MACROD1: variants seen among roughly 807,000 people sequenced by gnomAD.
MACROD1 encodes the protein ADP-ribose glycohydrolase MACROD1.
Under a neutral mutation model 41.4 loss-of-function variants are expected in MACROD1, and 31 were observed. The observed-to-expected ratio is 0.75, with a 90% CI of 0.56 to 1.01. The LOEUF is 1.01. Among genes scored for constraint, MACROD1 ranks in the 50% least tolerant of loss-of-function variants. The probability of loss-of-function intolerance (pLI) is 0.00; values close to 1 mark genes in which losing one functional copy is unlikely to be tolerated. For synonymous variants in MACROD1, 252 were observed against 203.4 expected (o/e 1.24, Z -2.03); for missense variants, 473 against 460.0 (o/e 1.03, Z -0.26).
At chr11:64,109,422 C>T (rs1237924159) in intron 3 of MACROD1, among the ~76,000 whole-genome samples, 3 of 152,166 alleles carry the variant, frequency 2.0e-5, no homozygotes, top group African/African-American at 7.2e-5. Context: ...GCCGGCCTCT[C>T]CCCACTCGTG....
chr11:64,152,440 C>G (rs776140903), intron 1 of MACROD1, 47 bp from the exon 2 acceptor site: 2 of 1,447,496 alleles, frequency 1.4e-6, no homozygotes, highest in Admixed American at 3.3e-5. Context: ...AGGAACGGGC[C>G]TGGGGCTTGC....
chr11:64,139,063 G>A (rs549457663), intron 3 of MACROD1, among the ~76,000 whole-genome samples: 119 of 152,278 alleles, frequency 7.8e-4, no homozygotes, highest in African/African-American at 2.5e-3. Flanking sequence ...CACCGCGCCC[G>A]GCCCACTGAT....
chr11:64,114,343 T>TGATGGATGGATGGTGGGCA (rs149015766), intron 3 of MACROD1, among the ~76,000 whole-genome samples: 1 of 136,252 alleles, frequency 7.3e-6, no homozygotes, highest in Non-Finnish European at 1.6e-5. Context: ...AGTAGATACA[T>TGATGGATGGATGGTGGGCA]GATGGATGGA....
chr11:64,153,314 C>A (rs562938251), intron 1 of MACROD1, among the ~76,000 whole-genome samples: 2 of 152,210 alleles, frequency 1.3e-5, no homozygotes, highest in African/African-American at 2.4e-5. Context: ...CACAGGCTCC[C>A]GGGATGGGGC....
chr11:64,134,627 C>G (rs1945308051), intron 3 of MACROD1, among the ~76,000 whole-genome samples: 1 of 152,122 alleles, frequency 6.6e-6, no homozygotes, highest in African/African-American at 2.4e-5. Flanking sequence ...GGGACAGCAC[C>G]TGAGGAAGCA....
At chr11:64,028,005 G>A (rs2134359027) in intron 3 of MACROD1, among the ~76,000 whole-genome samples, 1 of 152,360 alleles carries the variant, frequency 6.6e-6, no homozygotes, top group African/African-American at 2.4e-5. Context: ...TCAGACACCA[G>A]GAAGCACCGT....
Position 63,998,670 on chromosome 11 carries a change from G to C in MACROD1, c.*48C>G, listed in dbSNP as rs753854154. 6.0e-6 allele frequency: 8 copies of C among 1,334,178 alleles called. No homozygotes were observed. Among genetic ancestry groups the C allele is most frequent in the East Asian group, 2.9e-5 (1 of 34,384 alleles). The allele number at this position is 1,334,178 out of a possible 1,614,324, so 82.6% of individuals were successfully genotyped here. ...TTGGCGACCTCTCAGAGCTGGGAGC[G>C]GGGTCCCGAAGGCGGGTCTGAGGGC... is the stretch of plus-strand genomic sequence containing the variant. On this transcript the variant is annotated 3_prime_UTR_variant, in exon 11 of 11. Transcript: ENST00000255681.
intron 1 of MACROD1, among the ~76,000 whole-genome samples, chr11:64,158,195 C>T (rs899637112): frequency 1.3e-5 from 2 of 152,120 alleles, no homozygotes; most frequent in African/African-American, 4.8e-5. Flanking sequence ...GCGTAGCAGC[C>T]CCACCTTGAG....
At chr11:64,072,423 TA>T (rs11354064) in intron 3 of MACROD1, among the ~76,000 whole-genome samples, 18,538 of 146,058 alleles carry the variant, frequency 0.13, 1,463 homozygotes, top group Middle Eastern at 0.21. Context: ...CCGGCTCATT[TA>T]AAAAAAAAAA....
intron 3 of MACROD1, 21 bp downstream of exon 3, chr11:64,151,203 CGGCCACCAGGTCTCT>C (rs1945570985): frequency 1.9e-6 from 3 of 1,557,314 alleles, no homozygotes; most frequent in Non-Finnish European, 2.6e-6. Context: ...GGCAACAGGG[CGGCCACCAGGTCTCT>C]GGTTCAGGCC....
rs765217961 is a variant in MACROD1, at chr11:63,999,721, CTGGGCTCCCCGTAGGCGA to C, written c.689_706del (p.Ile230_Pro235del). The C allele has an allele frequency of 1.2e-6, 2 of 1,608,080 alleles. No homozygotes were observed. The highest frequency in any genetic ancestry group is 2.7e-5 in the African/African-American group (2 of 74,852). On this transcript the variant is annotated inframe_deletion, in exon 6 of 11. Coordinates refer to ENST00000255681, the MANE Select transcript of MACROD1 (RefSeq NM_014067.4). Reference sequence around the variant, plus strand: ...GCGGAGCTCGGCAGCCTGACTGGCGCTGGGCTCCCCGTAGGCGATGGGCCCCACTGTGTGGATGACGTC... The same window carrying C: ...GCGGAGCTCGGCAGCCTGACTGGCGCTGGGCCCCACTGTGTGGATGACGTC...
Position 63,998,601 on chromosome 11 carries a change from G to A in MACROD1, c.*117C>T, listed in dbSNP as rs1942753620. On this transcript the variant is annotated 3_prime_UTR_variant, in exon 11 of 11. Transcript: ENST00000255681. Reference sequence around the variant, plus strand: ...ATTAGGCTCCTCGGGGGCGGGGCGCGGAGGGAAAGAAGGGGTGGCCAGGCC... The same window carrying A: ...ATTAGGCTCCTCGGGGGCGGGGCGCAGAGGGAAAGAAGGGGTGGCCAGGCC... 5.5e-6 allele frequency: 7 copies of A among 1,280,936 alleles called. No individual in the cohort carries two copies. The South Asian group carries it at 8.5e-5, about 16-fold the overall frequency. The allele number at this position is 1,280,936 out of a possible 1,614,324, so 79.3% of individuals were successfully genotyped here. A position where few individuals can be genotyped will look rare whatever the true frequency, so the allele number is the denominator to read the frequency against.
At chr11:64,160,682 G>A (rs900306512) in intron 1 of MACROD1, among the ~76,000 whole-genome samples, 2 of 152,044 alleles carry the variant, frequency 1.3e-5, no homozygotes, top group Admixed American at 1.3e-4. Context: ...CAGGCATGGT[G>A]GCACATGCCT....
At position 63,999,649 on chromosome 11, in the gene MACROD1, C is replaced by A. The variant is rs754863055; in HGVS notation, c.779G>T (p.Arg260Leu). The A allele has an allele frequency of 3.7e-6, 6 of 1,609,082 alleles. No homozygotes were observed. The East Asian group carries it at 1.1e-4, about 30-fold the overall frequency. ...CCGCGGGCCGTCCCTCACCACCGAG[C>A]GGAGCCGGTGCTCCAGCAGCAGGTC... ...SLDLLLEHRLRSVAFPCISTG... is the reference protein window; with the variant it reads ...SLDLLLEHRLLSVAFPCISTG... The change falls in exon 6 of 11, where the codon CGC (arginine) becomes CTC (leucine). Residue 260 changes from arginine to leucine, a missense_variant. Arg to Leu is a moderately radical substitution (Grantham distance 102). Coordinates refer to ENST00000255681, the MANE Select transcript of MACROD1 (RefSeq NM_014067.4).
At chr11:64,103,105 G>T in intron 3 of MACROD1, 1 of 152,496 alleles carries the variant, frequency 6.6e-6, no homozygotes, top group Non-Finnish European at 1.5e-5. Context: ...CCAAAGCAAA[G>T]GGGGCTGCAG....
intron 3 of MACROD1, among the ~76,000 whole-genome samples, chr11:64,047,878 CAA>C (rs1164497769): frequency 1.7e-5 from 2 of 117,006 alleles, no homozygotes; most frequent in Admixed American, 1.0e-4. Flanking sequence ...GCCTGGGTGA[CAA>C]GAGTGAAACT....
intron 3 of MACROD1, among the ~76,000 whole-genome samples, chr11:64,145,256 C>T (rs12417635): frequency 0.11 from 16,658 of 152,168 alleles, 1,141 homozygotes; most frequent in Non-Finnish European, 0.16. Flanking sequence ...CACCCGTCCC[C>T]GCCGCACACC....
intron 4 of MACROD1, among the ~76,000 whole-genome samples, chr11:64,006,165 A>G (rs1320722942): frequency 6.6e-6 from 1 of 152,262 alleles, no homozygotes; most frequent in African/African-American, 2.4e-5. Flanking sequence ...GGGAAGGTTT[A>G]GCCACAAAGA....
chr11:64,157,086 TTC>T (rs2134721356), intron 1 of MACROD1, among the ~76,000 whole-genome samples: 1 of 152,116 alleles, frequency 6.6e-6, no homozygotes, highest in African/African-American at 2.4e-5. Flanking sequence ...CCCCACGCAT[TTC>T]TGTGTTTTTT....
Sources: gnomAD v4.1 joint callset for allele counts (sites outside exome capture counted in the v4.1 genomes callset) on GRCh38, gnomAD v4.1.1 for gene constraint, MANE v1.5 for transcripts, NCBI Gene and HGNC (gene_info 2026-07-23, HGNC 2026-07-21) for gene names.